NLRP6: variants seen among roughly 807,000 people sequenced by gnomAD.
NLRP6 encodes the protein NACHT, LRR and PYD domains-containing protein 6.
In NLRP6, 55 loss-of-function variants were observed where a neutral mutation model predicts 70.9. That is an observed-to-expected ratio of 0.78 (90% CI 0.62 to 0.97). NLRP6 has a LOEUF of 0.97. Among genes scored for constraint, NLRP6 ranks in the 50% least tolerant of loss-of-function variants. The probability of loss-of-function intolerance (pLI) is 0.00; values close to 1 mark genes in which losing one functional copy is unlikely to be tolerated. For missense variants in NLRP6, 1,241 were observed against 1,238.3 expected, an observed-to-expected ratio of 1.00 and a Z score of -0.03; for synonymous variants, 652 against 581.9, an observed-to-expected ratio of 1.12 and a Z score of -1.73.
chr11:284,625 C>T lies in NLRP6; in HGVS notation c.2520C>T (p.Cys840=), dbSNP rs754263691. 4.1e-5 allele frequency: 66 copies of T among 1,606,828 alleles called. No homozygotes were observed. The highest frequency in any genetic ancestry group is 8.9e-5 in the East Asian group (4 of 44,816). The change falls in exon 7 of 8, where the codon TGC becomes TGT. Residue 840 remains cysteine (C), a synonymous_variant. Transcript: ENST00000534750. ...YLCAVLQHQG[C]GLQTLSLASV... ...GTGCAGTCCTGCAGCACCAGGGATG[C>T]GGCCTGCAGACCCTCAGGTGGAGGC... is the stretch of plus-strand genomic sequence containing the variant.
chr11:280,448 C>A lies in NLRP6; in HGVS notation c.714C>A (p.Gly238=). The A allele has an allele frequency of 6.3e-6, 10 of 1,592,324 alleles. No individual in the cohort carries two copies. The highest frequency in any genetic ancestry group is 8.5e-6 in the Non-Finnish European group (10 of 1,177,536). Reference sequence around the variant, plus strand: ...ACTTCGCCTTCTTCATGCCCTGCGGCGAGCTGCTGGAGAGGCCGGGCACGC... The same window carrying A: ...ACTTCGCCTTCTTCATGCCCTGCGGAGAGCTGCTGGAGAGGCCGGGCACGC... ...QVDFAFFMPC[G]ELLERPGTRS... is the part of the protein sequence containing the mutation. The change falls in exon 4 of 8, where the codon GGC becomes GGA. Residue 238 remains glycine, a synonymous_variant. Coordinates refer to ENST00000534750, the MANE Select transcript of NLRP6 (RefSeq NM_001276700.2).
Position 280,688 on chromosome 11 carries a change from C to A in NLRP6, c.954C>A (p.Pro318=). The A allele has an allele frequency of 6.4e-7, 1 of 1,563,786 alleles. No individual in the cohort carries two copies. Among genetic ancestry groups the A allele is most frequent in the Non-Finnish European group, 8.6e-7 (1 of 1,159,222 alleles). Residue 318 remains proline, a synonymous_variant, in exon 4 of 8, where the codon CCC becomes CCA. Transcript: ENST00000534750. ...LGGLLSKALL[P]TALLLVTTRA... ...GGCTGCTGAGCAAGGCGCTGCTGCC[C>A]ACGGCCCTCCTGCTGGTGACCACGC... is the stretch of plus-strand genomic sequence containing the variant.
rs1845479110 is a variant in NLRP6, at chr11:281,561, G to A, written c.1827G>A (p.Glu609=). Residue 609 remains glutamate (E), a synonymous_variant, in exon 4 of 8, where the codon GAG becomes GAA. Coordinates refer to ENST00000534750, the MANE Select transcript of NLRP6 (RefSeq NM_001276700.2). The part of the protein sequence containing the change: ...GLEDTEEPEE[E]EEGEEPNYPL... ...AGGACACCGAAGAGCCAGAGGAGGA[G>A]GAGGAGGGAGAGGAGCCCAACTACC... 2.5e-6 allele frequency: 4 copies of A among 1,611,576 alleles called. No homozygotes were observed. In the East Asian group the frequency reaches 8.9e-5, roughly 36 times the overall value.
Position 279,836 on chromosome 11 carries a change from C to T in NLRP6, c.313C>T (p.Leu105Phe). The T allele has an allele frequency of 1.3e-6, 2 of 1,577,504 alleles. No individual in the cohort carries two copies. The highest frequency in any genetic ancestry group is 1.7e-6 in the Non-Finnish European group (2 of 1,165,190). ...CCTCACCCCAGTTTCCCTTCCAGGG[C>T]TCGGGCTCGGCTCCGGGACGCTGCT... is the stretch of plus-strand genomic sequence containing the variant. The part of the protein sequence containing the change: ...AQLQERRLQR[L>F]GLGSGTLLSV... Residue 105 changes from leucine (L) to phenylalanine (F), a missense_variant and splice_region_variant, in exon 3 of 8, where the codon CTC (leucine) becomes TTC (phenylalanine). By Grantham distance (22) the Leu-to-Phe change is conservative. Coordinates refer to ENST00000534750, the MANE Select transcript of NLRP6 (RefSeq NM_001276700.2).
chr11:279,025 A>G, intron 1 of NLRP6: 1 of 357,224 alleles, frequency 2.8e-6, no homozygotes. Flanking sequence ...GGACAGAAGC[A>G]GAAAGGGAGG....
Position 281,142 on chromosome 11 carries a change from C to T in NLRP6, c.1408C>T (p.Leu470Phe), listed in dbSNP as rs1293473451. 2.5e-6 allele frequency: 4 copies of T among 1,613,036 alleles called. No individual in the cohort carries two copies. The highest frequency in any genetic ancestry group is 1.3e-5 in the African/African-American group (1 of 75,074). Residue 470 changes from leucine (L) to phenylalanine (F), a missense_variant, in exon 4 of 8, where the codon CTT becomes TTT. Leu to Phe is a conservative substitution (Grantham distance 22). Coordinates refer to ENST00000534750, the MANE Select transcript of NLRP6 (RefSeq NM_001276700.2). Reference protein sequence around the residue: ...FAEKELEQLELRGSKVQTLFL... With the variant: ...FAEKELEQLEFRGSKVQTLFL... ...CGAGAAGGAACTGGAGCAACTGGAG[C>T]TTCGTGGCTCCAAAGTGCAGACGCT...
At position 280,653 on chromosome 11, in the gene NLRP6, G is replaced by C. The variant is rs1845458986; in HGVS notation, c.919G>C (p.Val307Leu). 5 of 1,521,964 alleles carry C rather than the reference G, an allele frequency of 3.3e-6. No homozygotes were observed. The African/African-American group carries it at 5.7e-5, about 17-fold the overall frequency. 94.3% of individuals were successfully genotyped at this position (1,521,964 alleles called of 1,614,324 possible). Residue 307 changes from valine (V) to leucine (L), a missense_variant, in exon 4 of 8, where the codon GTG becomes CTG. Val to Leu is a conservative substitution (Grantham distance 32, BLOSUM62 1). Transcript: ENST00000534750. ...CTTCGAGGCGGCGAGCGGCGCGCGGGTGCTAGGCGGGCTGCTGAGCAAGGC... is the reference window on the plus strand; with the variant it reads ...CTTCGAGGCGGCGAGCGGCGCGCGGCTGCTAGGCGGGCTGCTGAGCAAGGC... ...DPFEAASGARVLGGLLSKALL... is the reference protein window; with the variant it reads ...DPFEAASGARLLGGLLSKALL...
chr11:280,816 A>G lies in NLRP6; in HGVS notation c.1082A>G (p.Tyr361Cys). The G allele has an allele frequency of 2.5e-6, 4 of 1,612,614 alleles. No individual in the cohort carries two copies. The highest frequency in any genetic ancestry group is 3.4e-6 in the Non-Finnish European group (4 of 1,179,816). ...DKDKKKYFYK[Y>C]FRDERRAERA... is the part of the protein sequence containing the mutation. ...GACAAGAAGAAGTATTTCTACAAGT[A>G]TTTCCGGGATGAGAGGAGGGCCGAG... The change falls in exon 4 of 8, where the codon TAT becomes TGT. Residue 361 changes from tyrosine to cysteine, a missense_variant. Tyr to Cys is a radical substitution (Grantham distance 194). Transcript: ENST00000534750.
At position 281,512 on chromosome 11, in the gene NLRP6, T is replaced by C. The variant is rs1355085364; in HGVS notation, c.1778T>C (p.Val593Ala). Residue 593 changes from valine (V) to alanine (A), a missense_variant, in exon 4 of 8, where the codon GTG (valine) becomes GCG (alanine). Val to Ala is a moderately conservative substitution (Grantham distance 64). Coordinates refer to ENST00000534750, the MANE Select transcript of NLRP6 (RefSeq NM_001276700.2). ...GQGCPGVAPEVTEGAKGLEDT... is the reference protein window; with the variant it reads ...GQGCPGVAPEATEGAKGLEDT... ...GGCTGCCCCGGAGTGGCACCAGAGG[T>C]GACCGAGGGGGCCAAAGGGCTCGAG... is the stretch of plus-strand genomic sequence containing the variant. The C allele has an allele frequency of 6.2e-7, 1 of 1,604,702 alleles. No homozygotes were observed. The highest frequency in any genetic ancestry group is 2.2e-5 in the East Asian group (1 of 44,740).
intron 5 of NLRP6, among the ~76,000 whole-genome samples, chr11:283,745 G>T (rs973906266): frequency 6.6e-6 from 1 of 152,066 alleles, no homozygotes; most frequent in African/African-American, 2.4e-5. Context: ...TGGCAACTCG[G>T]CAAATTAGCT....
Position 280,920 on chromosome 11 carries a change from A to C in NLRP6, c.1186A>C (p.Thr396Pro). The change falls in exon 4 of 8, where the codon ACC becomes CCC. Residue 396 changes from threonine to proline, a missense_variant. Thr to Pro is a conservative substitution (Grantham distance 38, BLOSUM62 -1). Transcript: ENST00000534750. ...FVPFVCWIVC[T>P]VLRQQLELGR... Reference sequence around the variant, plus strand: ...GCCCTTCGTGTGCTGGATCGTGTGCACCGTGCTGCGCCAGCAGCTGGAGCT... The same window carrying C: ...GCCCTTCGTGTGCTGGATCGTGTGCCCCGTGCTGCGCCAGCAGCTGGAGCT... 6.2e-7 allele frequency: 1 copy of C among 1,613,218 alleles called. No individual in the cohort carries two copies. Among genetic ancestry groups the C allele is most frequent in the Non-Finnish European group, 8.5e-7 (1 of 1,179,938 alleles).
Position 281,644 on chromosome 11 carries a change from C to T in NLRP6, c.1910C>T (p.Ala637Val), listed in dbSNP as rs1025886546. The T allele has an allele frequency of 3.1e-6, 5 of 1,613,338 alleles. No individual in the cohort carries two copies. The South Asian group carries it at 4.4e-5, about 14-fold the overall frequency. ...ETQEDAFVRQ[A>V]LCRFPELALQ... is the part of the protein sequence containing the mutation. ...CAGGAGGACGCGTTTGTGCGCCAAG[C>T]CCTGTGCCGGTTCCCGGAGCTGGCG... The change falls in exon 4 of 8, where the codon GCC becomes GTC. Residue 637 changes from alanine to valine, a missense_variant. Physicochemically the swap from Ala to Val is moderately conservative, Grantham distance 64. Transcript: ENST00000534750.
At position 278,451 on chromosome 11, in the gene NLRP6, G is replaced by A. The variant is rs572157319; in HGVS notation, c.-119G>A. The A allele has an allele frequency of 6.1e-5, 47 of 770,212 alleles. No homozygotes were observed. Among genetic ancestry groups the A allele is most frequent in the Non-Finnish European group, 7.0e-5 (35 of 496,856 alleles). 47.7% of individuals were successfully genotyped at this position (770,212 alleles called of 1,614,324 possible). A position where few individuals can be genotyped will look rare whatever the true frequency, so the allele number is the denominator to read the frequency against. Reference sequence around the variant, plus strand: ...CAGCTGAGCTGCGGTGTGTGGACCCGGGGAATGGACCGGGCTGGACAACCT... The same window carrying A: ...CAGCTGAGCTGCGGTGTGTGGACCCAGGGAATGGACCGGGCTGGACAACCT... On this transcript the variant is annotated 5_prime_UTR_variant, in exon 1 of 8. Transcript: ENST00000534750. This position sits in a 1 kb window ranked among gnomAD's most constrained non-coding sequence, Gnocchi z 4.7.
rs746011971 is a variant in NLRP6, at chr11:280,810, A to G, written c.1076A>G (p.Tyr359Cys). 5.0e-6 allele frequency: 8 copies of G among 1,612,810 alleles called. No individual in the cohort carries two copies. In the East Asian group the frequency reaches 1.3e-4, roughly 27 times the overall value. The change falls in exon 4 of 8, where the codon TAC becomes TGC. Residue 359 changes from tyrosine to cysteine, a missense_variant. Tyr to Cys is a radical substitution (Grantham distance 194). Coordinates refer to ENST00000534750, the MANE Select transcript of NLRP6 (RefSeq NM_001276700.2). Reference sequence around the variant, plus strand: ...GACAAGGACAAGAAGAAGTATTTCTACAAGTATTTCCGGGATGAGAGGAGG... The same window carrying G: ...GACAAGGACAAGAAGAAGTATTTCTGCAAGTATTTCCGGGATGAGAGGAGG... The part of the protein sequence containing the change: ...FSDKDKKKYF[Y>C]KYFRDERRAE...
intron 5 of NLRP6, among the ~76,000 whole-genome samples, chr11:283,397 T>C (rs1368527665): frequency 6.9e-6 from 1 of 145,480 alleles, no homozygotes; most frequent in Non-Finnish European, 1.5e-5. Flanking sequence ...CACTGCAAGC[T>C]CCGCCTCCCG....
Position 284,519 on chromosome 11 carries a change from G to GTA in NLRP6, c.2416_2417dup (p.Met806IlefsTer9), listed in dbSNP as rs779055122. The GTA allele has an allele frequency of 1.9e-5, 30 of 1,612,922 alleles. No individual in the cohort carries two copies. Among genetic ancestry groups the GTA allele is most frequent in the African/African-American group, 6.7e-5 (5 of 74,908 alleles). Reference sequence around the variant, plus strand: ...CAGCGAGGGCTCCAGTACCTGGTGGGTATGCTTCGGCAGAGCCCTGCCCTG... The same window carrying GTA: ...CAGCGAGGGCTCCAGTACCTGGTGGGTATATGCTTCGGCAGAGCCCTGCCCTG... On this transcript the variant is annotated frameshift_variant, in exon 7 of 8. Coordinates refer to ENST00000534750, the MANE Select transcript of NLRP6 (RefSeq NM_001276700.2). LOFTEE classifies it high-confidence loss of function.
Position 280,754 on chromosome 11 carries a change from C to G in NLRP6, c.1020C>G (p.Ser340=). 4 of 1,607,712 alleles carry G rather than the reference C, an allele frequency of 2.5e-6. No individual in the cohort carries two copies. The highest frequency in any genetic ancestry group is 2.5e-6 in the Non-Finnish European group (3 of 1,176,946). Residue 340 remains serine (S), a synonymous_variant, in exon 4 of 8, where the codon TCC becomes TCG. Transcript: ENST00000534750. ...APGRLQGRLC[S]PQCAEVRGFS... ...GGAGGCTGCAGGGCCGCCTGTGTTCCCCGCAGTGCGCCGAGGTGCGCGGCT... is the reference window on the plus strand; with the variant it reads ...GGAGGCTGCAGGGCCGCCTGTGTTCGCCGCAGTGCGCCGAGGTGCGCGGCT...
intron 5 of NLRP6, among the ~76,000 whole-genome samples, chr11:283,106 G>A (rs143194960): frequency 2.0e-5 from 3 of 152,270 alleles, no homozygotes; most frequent in Admixed American, 6.5e-5. Flanking sequence ...GGAGGCTGCC[G>A]TTGGAAACTG....
intron 5 of NLRP6, among the ~76,000 whole-genome samples, chr11:283,928 G>A (rs4758635): frequency 1.3e-5 from 2 of 151,634 alleles, no homozygotes; most frequent in Non-Finnish European, 2.9e-5. Flanking sequence ...AGGGAATAGC[G>A]GACTAAATAA....
Sources: allele counts gnomAD v4.1 joint callset (sites outside exome capture counted in the v4.1 genomes callset), GRCh38; gene constraint gnomAD v4.1.1; non-coding constraint Gnocchi (gnomAD v3.1); transcripts MANE v1.5; gene names NCBI Gene and HGNC (gene_info 2026-07-23, HGNC 2026-07-21).